Variants in SHOC2 observed in about 807,000 individuals in gnomAD.
SHOC2 encodes the protein SHOC2 leucine rich repeat scaffold protein.
In SHOC2, 4 loss-of-function variants were observed where a neutral mutation model predicts 50.2. That is an observed-to-expected ratio of 0.08 (90% CI 0.04 to 0.18). The LOEUF (loss-of-function observed/expected upper bound fraction) is 0.18, where lower values mean the gene tolerates loss of function less well. SHOC2 is among the 10% of genes least tolerant of loss of function. The probability of loss-of-function intolerance (pLI) is 1.00; values close to 1 mark genes in which losing one functional copy is unlikely to be tolerated. For missense variants in SHOC2, 388 were observed against 669.6 expected (o/e 0.58, Z 4.64); for synonymous variants, 218 against 244.5 (o/e 0.89, Z 1.01).
chr10:110,931,651 C>A (rs1050599988), intron 1 of SHOC2, among the ~76,000 whole-genome samples: 12 of 151,880 alleles, frequency 7.9e-5, no homozygotes, highest in Non-Finnish European at 1.3e-4. Flanking sequence ...TGAGATGAAA[C>A]CTTGTTTATT....
intron 1 of SHOC2, among the ~76,000 whole-genome samples, chr10:110,925,266 G>A (rs1485016441): frequency 6.6e-6 from 1 of 151,556 alleles, no homozygotes; most frequent in South Asian, 2.1e-4. Context: ...TTACTTGACA[G>A]TGCCACTCTT....
chr10:110,933,898 T>C (rs1422658008), intron 1 of SHOC2, among the ~76,000 whole-genome samples: 1 of 152,164 alleles, frequency 6.6e-6, no homozygotes, highest in African/African-American at 2.4e-5. Context: ...TTGGATTTTT[T>C]TGTGAGGCTC....
At chr10:110,953,862 C>G (rs1164383013) in intron 1 of SHOC2, among the ~76,000 whole-genome samples, 6 of 151,030 alleles carry the variant, frequency 4.0e-5, no homozygotes, top group African/African-American at 1.5e-4. Flanking sequence ...CTGGTGATAC[C>G]TCTTCTATAG....
chr10:110,985,679 A>G lies in SHOC2; in HGVS notation c.755A>G (p.His252Arg). The G allele has an allele frequency of 1.2e-6, 2 of 1,612,436 alleles. No individual in the cohort carries two copies. The highest frequency in any genetic ancestry group is 1.7e-6 in the Non-Finnish European group (2 of 1,179,126). ...TLDVAHNQLEHLPKEIGNCTQ... is the reference protein window; with the variant it reads ...TLDVAHNQLERLPKEIGNCTQ... ...GATGTAGCTCACAATCAACTTGAAC[A>G]CCTTCCAAAGGAGATTGGAAACTGT... The change falls in exon 3 of 9, where the codon CAC becomes CGC. Residue 252 changes from histidine to arginine, a missense_variant. Coordinates refer to ENST00000369452, the MANE Select transcript of SHOC2 (RefSeq NM_007373.4).
intron 8 of SHOC2, among the ~76,000 whole-genome samples, chr10:111,010,497 A>T (rs1319040080): frequency 6.6e-6 from 1 of 152,132 alleles, no homozygotes; most frequent in African/African-American, 2.4e-5. Flanking sequence ...ACACTTGGAT[A>T]CAGGGTGGGG....
In SHOC2 at chr10:110,985,777, G is replaced by GA; in HGVS notation, c.841+15dup. The GA allele has an allele frequency of 6.2e-7, 1 of 1,610,252 alleles. No homozygotes were observed. The highest frequency in any genetic ancestry group is 1.7e-4 in the Middle Eastern group (1 of 6,050). On this transcript the variant is annotated intron_variant, in intron 3 of 8. Transcript: ENST00000369452. The stretch of plus-strand genomic sequence containing the variant: ...CCCAGATACTATAGGTATGAGAGGA[G>GA]AAAGGAGATATTGATAGCTGTTAAT...
chr10:110,969,747 T>G lies in SHOC2; in HGVS notation c.703+4686T>G, dbSNP rs1402606549. On this transcript the variant is annotated intron_variant, in intron 2 of 8. Transcript: ENST00000369452. ...GGTTCAATAAAATGCTACATATTTA[T>G]GTAGTATATAATTTCATGTGGGTCT... 2.0e-5 allele frequency among the ~76,000 whole-genome samples: 3 copies of G among 152,196 alleles called. No homozygotes were observed. In the South Asian group the frequency reaches 6.2e-4, roughly 31 times the overall value.
In SHOC2 at chr10:110,979,738, G is replaced by A. The variant is rs146318463; in HGVS notation, c.704-5890G>A. On this transcript the variant is annotated intron_variant, in intron 2 of 8. Coordinates refer to ENST00000369452, the MANE Select transcript of SHOC2 (RefSeq NM_007373.4). ...CATAGTTAGCCACTAAATATTTTAC[G>A]TAGATGTCTCACTGATATCTTAAAT... 3.2e-3 allele frequency among the ~76,000 whole-genome samples: 492 copies of A among 152,222 alleles called. 26 individuals carry two copies. In the South Asian group the frequency reaches 0.092, roughly 29 times the overall value.
chr10:110,986,483 A>AT (rs895860158), intron 3 of SHOC2, among the ~76,000 whole-genome samples: 6 of 151,674 alleles, frequency 4.0e-5, no homozygotes, highest in Middle Eastern at 3.4e-3. Context: ...TTTAATTTTT[A>AT]TTTTTTTTGA....
chr10:110,936,011 A>G (rs918923887), intron 1 of SHOC2, among the ~76,000 whole-genome samples: 2 of 152,114 alleles, frequency 1.3e-5, no homozygotes, highest in Non-Finnish European at 2.9e-5. Context: ...AAAGTTTATG[A>G]AAACTATTCC....
At chr10:110,955,235 T>A (rs1847436812) in intron 1 of SHOC2, among the ~76,000 whole-genome samples, 1 of 152,160 alleles carries the variant, frequency 6.6e-6, no homozygotes, top group South Asian at 2.1e-4. Flanking sequence ...GATGAGAGCT[T>A]GGAGTACGGT....
chr10:110,979,320 G>A (rs1847930791), intron 2 of SHOC2, among the ~76,000 whole-genome samples: 1 of 152,224 alleles, frequency 6.6e-6, no homozygotes, highest in African/African-American at 2.4e-5. Context: ...TAAAGTGCTA[G>A]CAAGGTGGAA....
intron 5 of SHOC2, among the ~76,000 whole-genome samples, chr10:111,005,773 T>C (rs181975994): frequency 7.5e-4 from 114 of 152,328 alleles, no homozygotes; most frequent in Non-Finnish European, 1.5e-3. Flanking sequence ...GGACAAACTT[T>C]AGGCCCAAGG....
chr10:111,004,864 C>T, intron 5 of SHOC2, 70 bp downstream of exon 5: 5 of 1,109,246 alleles, frequency 4.5e-6, no homozygotes, highest in Non-Finnish European at 5.4e-6. Context: ...TTTATGTTTT[C>T]TCTAATTGTG....
At chr10:110,999,464 G>A (rs541118828) in intron 3 of SHOC2, among the ~76,000 whole-genome samples, 1 of 151,926 alleles carries the variant, frequency 6.6e-6, no homozygotes, top group Non-Finnish European at 1.5e-5. Context: ...TCAGCTGGGC[G>A]CAGTGGCTCA....
chr10:111,006,407 G>A, intron 5 of SHOC2, among the ~76,000 whole-genome samples: 1 of 152,274 alleles, frequency 6.6e-6, no homozygotes, highest in African/African-American at 2.4e-5. Flanking sequence ...GTCTCGCTCT[G>A]TCACCCAGGC....
chr10:110,999,736 C>CCAA (rs1848332790), intron 3 of SHOC2, among the ~76,000 whole-genome samples: 1 of 81,690 alleles, frequency 1.2e-5, no homozygotes, highest in African/African-American at 5.3e-5. Context: ...GACTCAGTCT[C>CCAA]AAAAAAAAAA....
chr10:110,996,697 G>C (rs1479555675), intron 3 of SHOC2, among the ~76,000 whole-genome samples: 2 of 152,170 alleles, frequency 1.3e-5, no homozygotes, highest in East Asian at 3.9e-4. Flanking sequence ...ATAAAATACA[G>C]TTTTATAGAA....
intron 2 of SHOC2, among the ~76,000 whole-genome samples, chr10:110,968,428 A>AT (rs1459168722): frequency 2.6e-5 from 4 of 152,088 alleles, no homozygotes; most frequent in Non-Finnish European, 4.4e-5. Flanking sequence ...CTTTAATGTA[A>AT]TTTGACTTAC....
Sources: allele counts gnomAD v4.1 joint callset (sites outside exome capture counted in the v4.1 genomes callset), GRCh38; gene constraint gnomAD v4.1.1; transcripts MANE v1.5; gene names NCBI Gene and HGNC (gene_info 2026-07-23, HGNC 2026-07-21).